Variants in SLC24A2 observed in about 807,000 individuals in gnomAD.
SLC24A2 encodes sodium/potassium/calcium exchanger 2.
A neutral mutation model predicts 62.0 loss-of-function variants in SLC24A2; 36 were observed. That is an observed-to-expected ratio of 0.58 (90% CI 0.44 to 0.77). The LOEUF (loss-of-function observed/expected upper bound fraction) is 0.77. SLC24A2 is among the 30% of genes least tolerant of loss of function. The probability of loss-of-function intolerance (pLI) is 0.00; values close to 1 mark genes in which losing one functional copy is unlikely to be tolerated. For synonymous variants in SLC24A2, 358 were observed against 294.0 expected, an observed-to-expected ratio of 1.22 and a Z score of -2.23; for missense variants, 846 against 817.9, an observed-to-expected ratio of 1.03 and a Z score of -0.42.
chr9:19,854,934 T>C, the SLC24A2 span, among the ~76,000 whole-genome samples: 1 of 152,234 alleles, frequency 6.6e-6, no homozygotes, highest in East Asian at 1.9e-4. Context: ...TGAGTCTCTT[T>C]GCAGGTCTCT....
the SLC24A2 span, among the ~76,000 whole-genome samples, chr9:19,804,948 G>C: frequency 6.6e-6 from 1 of 152,056 alleles, no homozygotes; most frequent in Non-Finnish European, 1.5e-5. Flanking sequence ...ACTTTCAGAT[G>C]GTAGGAGATT....
At chr9:20,174,061 C>G in the SLC24A2 span, among the ~76,000 whole-genome samples, 1 of 151,776 alleles carries the variant, frequency 6.6e-6, no homozygotes, top group Non-Finnish European at 1.5e-5. Context: ...TTATAGCCAG[C>G]TCATCTTTGA....
the SLC24A2 span, among the ~76,000 whole-genome samples, chr9:20,256,605 A>G: frequency 2.4e-4 from 37 of 152,154 alleles, no homozygotes; most frequent in African/African-American, 8.4e-4. Flanking sequence ...TAATCCTTAC[A>G]TGCTCTGCCA....
Position 19,513,153 on chromosome 9 carries a change from G to GATATATATATATATATATATGT in SLC24A2, c.*2999_*3000insACATATATATATATATATATAT. 1.2e-5 allele frequency: 1 copy of GATATATATATATATATATATGT among 80,590 alleles called. No individual in the cohort carries two copies. The highest frequency in any genetic ancestry group is 2.5e-5 in the Non-Finnish European group (1 of 40,252). The allele number at this position is 80,590 out of a possible 1,614,324, so 5.0% of individuals were successfully genotyped here. ...TGTGTACATATAGATCTGGTATAAAGATATATATATATATATATATATGTA... is the reference window on the plus strand; with the variant it reads ...TGTGTACATATAGATCTGGTATAAAGATATATATATATATATATATGTATATATATATATATATATATATGTA... On this transcript the variant is annotated 3_prime_UTR_variant, in exon 11 of 11. Transcript: ENST00000341998.
At chr9:19,768,667 T>G (rs552269407) in intron 2 of SLC24A2, among the ~76,000 whole-genome samples, 18 of 152,356 alleles carry the variant, frequency 1.2e-4, no homozygotes, top group African/African-American at 4.3e-4. Context: ...TCATGCCACT[T>G]GGAATGGCAG....
the SLC24A2 span, among the ~76,000 whole-genome samples, chr9:19,905,354 C>A: frequency 1.3e-5 from 2 of 151,986 alleles, no homozygotes; most frequent in African/African-American, 4.8e-5. Context: ...TCAGAGGATG[C>A]AATGTTGCAC....
chr9:19,562,053 A>G (rs1835429564), intron 7 of SLC24A2, among the ~76,000 whole-genome samples: 1 of 152,164 alleles, frequency 6.6e-6, no homozygotes, highest in Non-Finnish European at 1.5e-5. Context: ...AGTCTGGTGA[A>G]ATGCAACTGT....
Position 19,619,637 on chromosome 9 carries a change from ATGAGAC to A in SLC24A2, c.1019_1024del (p.Ser340_Leu341del). ...CATGAGTTGGAAGATGCTATTCCTCATGAGACTGTTGTGGAGGGAGGCAGAGCTTCC... is the reference window on the plus strand; with the variant it reads ...CATGAGTTGGAAGATGCTATTCCTCATGTTGTGGAGGGAGGCAGAGCTTCC... On this transcript the variant is annotated inframe_deletion, in exon 4 of 11. Coordinates refer to ENST00000341998, the MANE Select transcript of SLC24A2 (RefSeq NM_020344.4). 6.2e-7 allele frequency: 1 copy of A among 1,614,046 alleles called. No homozygotes were observed. Among genetic ancestry groups the A allele is most frequent in the Non-Finnish European group, 8.5e-7 (1 of 1,179,930 alleles).
At chr9:20,065,331 A>G in the SLC24A2 span, among the ~76,000 whole-genome samples, 2 of 152,226 alleles carry the variant, frequency 1.3e-5, no homozygotes, top group African/African-American at 4.8e-5. Flanking sequence ...GCAACAGCAC[A>G]ACAGGCTGGG....
chr9:19,979,222 A>G, the SLC24A2 span, among the ~76,000 whole-genome samples: 1 of 152,192 alleles, frequency 6.6e-6, no homozygotes, highest in Non-Finnish European at 1.5e-5. Context: ...TCATGTGCAT[A>G]TACATCACTT....
chr9:19,908,504 G>C, the SLC24A2 span, among the ~76,000 whole-genome samples: 2 of 152,160 alleles, frequency 1.3e-5, no homozygotes, highest in South Asian at 2.1e-4. Context: ...TTAAACTAAA[G>C]AGCTTCTGCA....
the SLC24A2 span, among the ~76,000 whole-genome samples, chr9:19,861,798 A>G: frequency 1.3e-5 from 2 of 152,148 alleles, no homozygotes; most frequent in African/African-American, 4.8e-5. Context: ...TGGCATACTG[A>G]AGAATGCATC....
the SLC24A2 span, among the ~76,000 whole-genome samples, chr9:20,221,166 A>G: frequency 2.6e-5 from 4 of 152,112 alleles, no homozygotes. Flanking sequence ...GCTAATTGCG[A>G]TAAGTGCCAT....
chr9:19,625,217 C>A (rs79581578), intron 2 of SLC24A2, among the ~76,000 whole-genome samples: 1,832 of 152,192 alleles, frequency 0.012, 31 homozygotes, highest in African/African-American at 0.04. Context: ...CACAAAAATA[C>A]CACTCATTTG....
chr9:20,054,956 C>T, the SLC24A2 span, among the ~76,000 whole-genome samples: 2 of 152,188 alleles, frequency 1.3e-5, no homozygotes, highest in Non-Finnish European at 2.9e-5. Context: ...AAATAGTTTT[C>T]CTTTAACTAC....
chr9:20,046,810 C>T, the SLC24A2 span, among the ~76,000 whole-genome samples: 7 of 152,252 alleles, frequency 4.6e-5, no homozygotes, highest in East Asian at 1.2e-3. Context: ...TACTTATTGC[C>T]TTTCAATTTT....
the SLC24A2 span, among the ~76,000 whole-genome samples, chr9:19,798,609 C>CAA: frequency 1.3e-5 from 2 of 151,448 alleles, no homozygotes; most frequent in Non-Finnish European, 2.9e-5. Flanking sequence ...CACACACACA[C>CAA]ACACACACAC....
chr9:20,225,577 T>TATATATATAATATATA, the SLC24A2 span, among the ~76,000 whole-genome samples: 3 of 57,914 alleles, frequency 5.2e-5, no homozygotes, highest in African/African-American at 3.1e-4. Context: ...TATATATAAT[T>TATATATATAATATATA]TCATTTAAAG....
the SLC24A2 span, among the ~76,000 whole-genome samples, chr9:19,809,567 T>C: frequency 6.6e-6 from 1 of 152,090 alleles, no homozygotes; most frequent in African/African-American, 2.4e-5. Context: ...CAGACATAGA[T>C]GCCTGCAGTT....
Sources: allele counts gnomAD v4.1 joint callset (sites outside exome capture counted in the v4.1 genomes callset), GRCh38; gene constraint gnomAD v4.1.1; transcripts MANE v1.5; gene names NCBI Gene and HGNC (gene_info 2026-07-23, HGNC 2026-07-21).